The following OR52K1 variants were observed in gnomAD, a reference collection of about 807,000 sequenced individuals.
OR52K1 encodes the protein olfactory receptor family 52 subfamily K member 1.
Under a neutral mutation model 8.7 loss-of-function variants are expected in OR52K1, and 10 were observed. That is an observed-to-expected ratio of 1.15 (90% CI 0.71 to 1.95). OR52K1 has a LOEUF of 1.95. Among genes scored for constraint, OR52K1 ranks in the 30% most tolerant of loss-of-function variants. OR52K1 has a pLI of 0.00. For missense variants in OR52K1, 431 were observed against 397.2 expected (o/e 1.08, Z -0.72); for synonymous variants, 203 against 148.5 (o/e 1.37, Z -2.67).
chr11:4,487,546 G>C (rs1024810882), intron 1 of OR52K1, among the ~76,000 whole-genome samples: 1 of 151,380 alleles, frequency 6.6e-6, no homozygotes, highest in African/African-American at 2.5e-5. Flanking sequence ...GGTTATGCTG[G>C]ATGCAGGTTG....
chr11:4,484,845 C>CAG (rs1037203926), intron 1 of OR52K1, among the ~76,000 whole-genome samples: 7 of 151,506 alleles, frequency 4.6e-5, no homozygotes, highest in Non-Finnish European at 1.0e-4. Flanking sequence ...CACACACACA[C>CAG]ACACACACAC....
chr11:4,485,938 T>C (rs1433063012), intron 1 of OR52K1, among the ~76,000 whole-genome samples: 1 of 152,206 alleles, frequency 6.6e-6, no homozygotes, highest in Non-Finnish European at 1.5e-5. Flanking sequence ...GATATTTGAA[T>C]AACAGGTGTT....
rs528027405 is a variant in OR52K1 at position 4,482,764 on chromosome 11, G to A, written c.-741G>A. On this transcript the variant is annotated 5_prime_UTR_variant, in exon 1 of 2. In the 5' UTR this introduces an upstream ATG that the reference lacks. Coordinates refer to ENST00000641528, the MANE Select transcript of OR52K1 (RefSeq NM_001005171.3). ...TGCAACTTAGGGAAATAGAAAACAA[G>A]TGATGTTATTGGGGTGAGCAGGAAG... 2.3e-3 allele frequency: 418 copies of A among 184,320 alleles called. 2 individuals are homozygous for A. The highest frequency in any genetic ancestry group is 9.4e-3 in the African/African-American group (405 of 43,004). The allele number at this position is 184,320 out of a possible 1,614,324, so 11.4% of individuals were successfully genotyped here.
Position 4,489,123 on chromosome 11 carries a change from CTT to C in OR52K1, c.225_226del (p.Ser76PhefsTer47). Reference protein sequence around the residue: ...LAMLATIDLVLSSTTLPKMLA... With the variant: ...LAMLATIDLVXSSTTLPKMLA... ...CATGTTGGCAACCATTGACTTGGTTCTTTCTTCTACAACGCTGCCCAAAATGC... is the reference window on the plus strand; with the variant it reads ...CATGTTGGCAACCATTGACTTGGTTCTCTTCTACAACGCTGCCCAAAATGC... On this transcript the variant is annotated frameshift_variant, in exon 2 of 2. Transcript: ENST00000641528. LOFTEE classifies it high-confidence loss of function. 6.2e-7 allele frequency: 1 copy of C among 1,614,224 alleles called. No homozygotes were observed. Among genetic ancestry groups the C allele is most frequent in the Admixed American group, 1.7e-5 (1 of 60,028 alleles).
Position 4,488,656 on chromosome 11 carries a change from C to A in OR52K1, c.-245C>A. The A allele has an allele frequency of 2.1e-6, 1 of 480,546 alleles. No homozygotes were observed. The highest frequency in any genetic ancestry group is 3.7e-6 in the Non-Finnish European group (1 of 272,486). The allele number at this position is 480,546 out of a possible 1,614,324, so 29.8% of individuals were successfully genotyped here. A position where few individuals can be genotyped will look rare whatever the true frequency, so the allele number is the denominator to read the frequency against. ...AAGTTGTCTTAGAATATTAAATATC[C>A]ATAGAATTGATATCCCATCTACTCA... On this transcript the variant is annotated 5_prime_UTR_variant, in exon 2 of 2. Transcript: ENST00000641528.
intron 1 of OR52K1, among the ~76,000 whole-genome samples, chr11:4,486,334 C>T (rs571681512): frequency 3.4e-4 from 52 of 152,334 alleles, no homozygotes; most frequent in African/African-American, 1.1e-3. Context: ...GGTTCCTTCT[C>T]TATGGTTCTT....
intron 1 of OR52K1, among the ~76,000 whole-genome samples, chr11:4,484,331 T>A (rs573358678): frequency 2.0e-5 from 3 of 152,172 alleles, no homozygotes; most frequent in African/African-American, 7.2e-5. Flanking sequence ...GGTGATGGTG[T>A]TGGAAGGGTG....
At chr11:4,487,819 A>T (rs1190349192) in intron 1 of OR52K1, among the ~76,000 whole-genome samples, 2 of 152,098 alleles carry the variant, frequency 1.3e-5, no homozygotes, top group Non-Finnish European at 2.9e-5. Context: ...CCTATATTTT[A>T]TATTTTGTAT....
In OR52K1 at chr11:4,492,108, G is replaced by C. The variant is rs2133110424; in HGVS notation, c.*2263G>C. 1 of 152,236 alleles carries C rather than the reference G, an allele frequency of 6.6e-6. No homozygotes were observed. Among genetic ancestry groups the C allele is most frequent in the South Asian group, 2.1e-4 (1 of 4,822 alleles). The allele number at this position is 152,236 out of a possible 1,614,324, so 9.4% of individuals were successfully genotyped here. ...CGTCCTTTGTGGGAACATGGATGGA[G>C]CTAGAGGCCATTATTCTTTGCAAAT... On this transcript the variant is annotated 3_prime_UTR_variant, in exon 2 of 2. Coordinates refer to ENST00000641528, the MANE Select transcript of OR52K1 (RefSeq NM_001005171.3).
In OR52K1 at chr11:4,489,337, T is replaced by G. The variant is rs777471669; in HGVS notation, c.437T>G (p.Ile146Ser). 6.2e-7 allele frequency: 1 copy of G among 1,614,176 alleles called. No homozygotes were observed. The highest frequency in any genetic ancestry group is 8.5e-7 in the Non-Finnish European group (1 of 1,180,020). The change falls in exon 2 of 2, where the codon ATT becomes AGT. Residue 146 changes from isoleucine to serine, a missense_variant. Transcript: ENST00000641528. ...TVLTGSLITK[I>S]GMAAVARAVT... ...CTGACTGGGTCCCTCATCACCAAGATTGGCATGGCTGCTGTGGCCCGGGCT... is the reference window on the plus strand; with the variant it reads ...CTGACTGGGTCCCTCATCACCAAGAGTGGCATGGCTGCTGTGGCCCGGGCT...
Position 4,489,070 on chromosome 11 carries a change from T to TC in OR52K1, c.172dup (p.His58ProfsTer2). ...TTCATTATCCAGGCTGATGCAGCCCTCCATGAACCCATGTACCTCTTTCTG... is the reference window on the plus strand; with the variant it reads ...TTCATTATCCAGGCTGATGCAGCCCTCCCATGAACCCATGTACCTCTTTCTG... On this transcript the variant is annotated frameshift_variant, in exon 2 of 2. Coordinates refer to ENST00000641528, the MANE Select transcript of OR52K1 (RefSeq NM_001005171.3). LOFTEE classifies it high-confidence loss of function. The TC allele has an allele frequency of 2.5e-6, 4 of 1,614,192 alleles. No homozygotes were observed. The highest frequency in any genetic ancestry group is 2.5e-6 in the Non-Finnish European group (3 of 1,180,012).
intron 1 of OR52K1, among the ~76,000 whole-genome samples, chr11:4,486,618 C>T (rs986135161): frequency 3.9e-5 from 6 of 152,150 alleles, no homozygotes; most frequent in African/African-American, 1.4e-4. Flanking sequence ...CATAACTGCC[C>T]TATTCCTTGG....
chr11:4,490,135 A>C lies in OR52K1; in HGVS notation c.*290A>C, dbSNP rs183886091. 9.1e-4 allele frequency: 303 copies of C among 332,682 alleles called. 1 individual carries two copies. The highest frequency in any genetic ancestry group is 5.9e-3 in the African/African-American group (276 of 47,008). 20.6% of individuals were successfully genotyped at this position (332,682 alleles called of 1,614,324 possible). A position where few individuals can be genotyped will look rare whatever the true frequency, so the allele number is the denominator to read the frequency against. ...TATTGTAATCTGGGTGAAAGACAGT[A>C]GGACCTTTATTGGCTGAGATTGGCC... On this transcript the variant is annotated 3_prime_UTR_variant, in exon 2 of 2. Coordinates refer to ENST00000641528, the MANE Select transcript of OR52K1 (RefSeq NM_001005171.3).
intron 1 of OR52K1, 29 bp from the exon 2 acceptor site, chr11:4,488,544 G>T (rs552139384): frequency 1.9e-4 from 39 of 206,102 alleles, no homozygotes; most frequent in African/African-American, 9.2e-4. Flanking sequence ...GAAATGAATT[G>T]ATTTAAACAT....
chr11:4,485,512 G>A (rs929389868), intron 1 of OR52K1, among the ~76,000 whole-genome samples: 3 of 152,026 alleles, frequency 2.0e-5, no homozygotes, highest in African/African-American at 7.2e-5. Flanking sequence ...AAAAATCAGG[G>A]TGTCATCTTC....
Position 4,490,069 on chromosome 11 carries a change from G to C in OR52K1, c.*224G>C. 1.9e-6 allele frequency: 1 copy of C among 531,170 alleles called. No homozygotes were observed. The highest frequency in any genetic ancestry group is 2.4e-5 in the South Asian group (1 of 41,700). The allele number at this position is 531,170 out of a possible 1,614,324, so 32.9% of individuals were successfully genotyped here. A position where few individuals can be genotyped will look rare whatever the true frequency, so the allele number is the denominator to read the frequency against. ...GAGGTTTGACCTTCCCATTGTCATA[G>C]ACTCATCACATGGCTAAGGAAGACA... On this transcript the variant is annotated 3_prime_UTR_variant, in exon 2 of 2. Coordinates refer to ENST00000641528, the MANE Select transcript of OR52K1 (RefSeq NM_001005171.3).
chr11:4,490,057 C>G lies in OR52K1; in HGVS notation c.*212C>G. 1 of 561,642 alleles carries G rather than the reference C, an allele frequency of 1.8e-6. No homozygotes were observed. The highest frequency in any genetic ancestry group is 3.2e-6 in the Non-Finnish European group (1 of 314,966). 34.8% of individuals were successfully genotyped at this position (561,642 alleles called of 1,614,324 possible). ...GGTCTGATAGTAGAGGTTTGACCTT[C>G]CCATTGTCATAGACTCATCACATGG... On this transcript the variant is annotated 3_prime_UTR_variant, in exon 2 of 2. Coordinates refer to ENST00000641528, the MANE Select transcript of OR52K1 (RefSeq NM_001005171.3).
chr11:4,482,747 A>T lies in OR52K1; in HGVS notation c.-758A>T, dbSNP rs1323245416. On this transcript the variant is annotated 5_prime_UTR_variant, in exon 1 of 2. Coordinates refer to ENST00000641528, the MANE Select transcript of OR52K1 (RefSeq NM_001005171.3). ...AGGACTGTGGATACAGCTGCAACTTAGGGAAATAGAAAACAAGTGATGTTA... is the reference window on the plus strand; with the variant it reads ...AGGACTGTGGATACAGCTGCAACTTTGGGAAATAGAAAACAAGTGATGTTA... 6.0e-6 allele frequency: 1 copy of T among 167,364 alleles called. No individual in the cohort carries two copies. The highest frequency in any genetic ancestry group is 2.4e-5 in the African/African-American group (1 of 42,138). The allele number at this position is 167,364 out of a possible 1,614,324, so 10.4% of individuals were successfully genotyped here. A position where few individuals can be genotyped will look rare whatever the true frequency, so the allele number is the denominator to read the frequency against.
chr11:4,490,553 A>G lies in OR52K1; in HGVS notation c.*708A>G, dbSNP rs1846366037. On this transcript the variant is annotated 3_prime_UTR_variant, in exon 2 of 2. Transcript: ENST00000641528. ...CCAAAATACTTAGTAATATTTATTA[A>G]ATGAACGGATAGAAGAGCTGAATAC... 6.6e-6 allele frequency: 1 copy of G among 152,238 alleles called. No homozygotes were observed. The highest frequency in any genetic ancestry group is 2.4e-5 in the African/African-American group (1 of 41,454). The allele number at this position is 152,238 out of a possible 1,614,324, so 9.4% of individuals were successfully genotyped here.
Sources: gnomAD v4.1 joint callset for allele counts (sites outside exome capture counted in the v4.1 genomes callset) on GRCh38, gnomAD v4.1.1 for gene constraint, MANE v1.5 for transcripts, NCBI Gene and HGNC (gene_info 2026-07-23, HGNC 2026-07-21) for gene names.